Variants in OR2L2 observed in about 807,000 individuals in gnomAD.
OR2L2 encodes olfactory receptor 2L2.
For synonymous variants in OR2L2, 156 were observed against 135.4 expected (o/e 1.15, Z -1.06); for missense variants, 378 against 375.2 (o/e 1.01, Z -0.06).
chr1:248,037,266 G>A (rs1662790428), intron 2 of OR2L2, among the ~76,000 whole-genome samples: 1 of 152,144 alleles, frequency 6.6e-6, no homozygotes, highest in African/African-American at 2.4e-5. Flanking sequence ...GACAATTCAA[G>A]AAGGAAATAT....
intron 1 of OR2L2, among the ~76,000 whole-genome samples, chr1:248,035,125 A>T: frequency 6.6e-6 from 1 of 150,450 alleles, no homozygotes; most frequent in African/African-American, 2.5e-5. Context: ...GAAAGTGGAC[A>T]TTTTTGTCTT....
intron 2 of OR2L2, among the ~76,000 whole-genome samples, chr1:248,036,273 A>C (rs1348081435): frequency 6.6e-6 from 1 of 151,488 alleles, no homozygotes; most frequent in Non-Finnish European, 1.5e-5. Context: ...TAGATTTTTC[A>C]CTTTCGTATT....
chr1:248,038,533 A>T lies in OR2L2; in HGVS notation c.266A>T (p.Lys89Met). 1 of 1,614,174 alleles carries T rather than the reference A, an allele frequency of 6.2e-7. No individual in the cohort carries two copies. The highest frequency in any genetic ancestry group is 2.2e-5 in the East Asian group (1 of 44,874). The change falls in exon 3 of 3, where the codon AAG (lysine) becomes ATG (methionine). Residue 89 changes from lysine to methionine, a missense_variant. Lys to Met is a moderately conservative substitution (Grantham distance 95). Transcript: ENST00000641771. ...GTTTATGATTTTCTGTATGGAAACA[A>T]GTCTATCTCCTTCACTGGATGTGGG... ...KMVYDFLYGNKSISFTGCGIQ... is the reference protein window; with the variant it reads ...KMVYDFLYGNMSISFTGCGIQ...
chr1:248,041,142 T>A lies in OR2L2; in HGVS notation c.*1936T>A, dbSNP rs146673709. On this transcript the variant is annotated 3_prime_UTR_variant, in exon 3 of 3. Coordinates refer to ENST00000641771, the MANE Select transcript of OR2L2 (RefSeq NM_001385855.1). Reference sequence around the variant, plus strand: ...CACATAAATAACCAAAACAGCATGGTACTGGTACCAAAACAGAAATATAGA... The same window carrying A: ...CACATAAATAACCAAAACAGCATGGAACTGGTACCAAAACAGAAATATAGA... The A allele has an allele frequency of 6.6e-6, 1 of 152,144 alleles. No homozygotes were observed. Among genetic ancestry groups the A allele is most frequent in the East Asian group, 1.9e-4 (1 of 5,200 alleles). The allele number at this position is 152,144 out of a possible 1,614,324, so 9.4% of individuals were successfully genotyped here. A position where few individuals can be genotyped will look rare whatever the true frequency, so the allele number is the denominator to read the frequency against.
At chr1:248,036,807 G>C (rs923619225) in intron 2 of OR2L2, among the ~76,000 whole-genome samples, 5 of 152,092 alleles carry the variant, frequency 3.3e-5, no homozygotes, top group Non-Finnish European at 7.4e-5. Flanking sequence ...GTCTTTTGAA[G>C]ATGTAAAGTG....
In OR2L2 at chr1:248,038,335, G is replaced by T. The variant is rs750991066; in HGVS notation, c.68G>T (p.Gly23Val). ...LLGLFPQSRI[G>V]LFVFTLIFLI... ...GGGCTGTTCCCACAATCAAGAATTGGCCTTTTCGTATTCACCCTCATTTTT... is the reference window on the plus strand; with the variant it reads ...GGGCTGTTCCCACAATCAAGAATTGTCCTTTTCGTATTCACCCTCATTTTT... Residue 23 changes from glycine to valine, a missense_variant, in exon 3 of 3, where the codon GGC (glycine) becomes GTC (valine). Physicochemically the swap from Gly to Val is moderately radical, Grantham distance 109. Coordinates refer to ENST00000641771, the MANE Select transcript of OR2L2 (RefSeq NM_001385855.1). 3.7e-6 allele frequency: 6 copies of T among 1,613,390 alleles called. No homozygotes were observed. The South Asian group carries it at 5.5e-5, about 15-fold the overall frequency.
intron 1 of OR2L2, among the ~76,000 whole-genome samples, chr1:248,034,799 A>C (rs1662711031): frequency 6.6e-6 from 1 of 152,326 alleles, no homozygotes; most frequent in Non-Finnish European, 1.5e-5. Flanking sequence ...AGCCACTTGA[A>C]GCCTAGGTTC....
chr1:248,038,076 T>G (rs547083839), intron 2 of OR2L2, 171 bp from the exon 3 acceptor site: 3 of 489,948 alleles, frequency 6.1e-6, no homozygotes, highest in African/African-American at 5.8e-5. Context: ...AATCTCTTCC[T>G]TGCCTAATTT....
chr1:248,035,301 T>G (rs1377290580), intron 1 of OR2L2, among the ~76,000 whole-genome samples: 1 of 151,946 alleles, frequency 6.6e-6, no homozygotes, highest in East Asian at 1.9e-4. Context: ...ATACAAAAAT[T>G]TAGCCAGCTT....
chr1:248,032,397 A>G (rs1385908350), intron 1 of OR2L2, among the ~76,000 whole-genome samples: 3 of 152,132 alleles, frequency 2.0e-5, no homozygotes, highest in African/African-American at 7.2e-5. Context: ...TTAAGTGTTC[A>G]GGTCTGTGGC....
At position 248,039,395 on chromosome 1, in the gene OR2L2, TTTTGTTTGTGTGTGGTTTTTG is replaced by T. The variant is rs1193790907; in HGVS notation, c.*199_*219del. On this transcript the variant is annotated 3_prime_UTR_variant, in exon 3 of 3. Transcript: ENST00000641771. ...ACATATTCTAAGACATCTATTTTGA[TTTTGTTTGTGTGTGGTTTTTG>T]TTTGTTTGTTTGTTTGTCTTTTTAA... is the stretch of plus-strand genomic sequence containing the variant. 8.1e-5 allele frequency: 34 copies of T among 419,312 alleles called. No individual in the cohort carries two copies. The highest frequency in any genetic ancestry group is 1.2e-4 in the Non-Finnish European group (29 of 246,030). The allele number at this position is 419,312 out of a possible 1,614,324, so 26.0% of individuals were successfully genotyped here.
chr1:248,039,224 G>C lies in OR2L2; in HGVS notation c.*18G>C. ...AAATGTAGACATACGTTCTGTGTTA[G>C]AGTCAAAGCGCTAGGTTCATATCAA... is the stretch of plus-strand genomic sequence containing the variant. On this transcript the variant is annotated 3_prime_UTR_variant, in exon 3 of 3. Transcript: ENST00000641771. 8 of 1,586,034 alleles carry C rather than the reference G, an allele frequency of 5.0e-6. No homozygotes were observed. The East Asian group carries it at 8.9e-5, about 18-fold the overall frequency.
chr1:248,036,497 T>C (rs889790212), intron 2 of OR2L2, among the ~76,000 whole-genome samples: 1 of 152,230 alleles, frequency 6.6e-6, no homozygotes, highest in Non-Finnish European at 1.5e-5. Flanking sequence ...TCAGTGTACA[T>C]ACACGTGTAT....
rs1487739857 is a variant in OR2L2 at position 248,039,393 on chromosome 1, G to T, written c.*187G>T. On this transcript the variant is annotated 3_prime_UTR_variant, in exon 3 of 3. Transcript: ENST00000641771. ...ATACATATTCTAAGACATCTATTTT[G>T]ATTTTGTTTGTGTGTGGTTTTTGTT... 4.8e-6 allele frequency: 2 copies of T among 414,478 alleles called. No homozygotes were observed. The highest frequency in any genetic ancestry group is 2.3e-5 in the African/African-American group (1 of 43,410). 25.7% of individuals were successfully genotyped at this position (414,478 alleles called of 1,614,324 possible). A position where few individuals can be genotyped will look rare whatever the true frequency, so the allele number is the denominator to read the frequency against.
Position 248,032,541 on chromosome 1 carries a change from G to A in OR2L2, c.-97+2306G>A, listed in dbSNP as rs184878312. On this transcript the variant is annotated intron_variant, in intron 1 of 2. Coordinates refer to ENST00000641771, the MANE Select transcript of OR2L2 (RefSeq NM_001385855.1). ...CCCTTCCCCCATCCCCAGGGGTCCAGCATTCTACTTTCTGTCTCTATAAAT... is the reference window on the plus strand; with the variant it reads ...CCCTTCCCCCATCCCCAGGGGTCCAACATTCTACTTTCTGTCTCTATAAAT... Among the ~76,000 whole-genome samples the A allele has an allele frequency of 2.3e-4, 35 of 152,148 alleles. No homozygotes were observed. In the East Asian group the frequency reaches 6.2e-3, roughly 27 times the overall value.
rs1319533781 is a variant in OR2L2 at position 248,039,947 on chromosome 1, T to G, written c.*741T>G. 6.6e-6 allele frequency: 1 copy of G among 152,228 alleles called. No homozygotes were observed. Among genetic ancestry groups the G allele is most frequent in the African/African-American group, 2.4e-5 (1 of 41,448 alleles). 9.4% of individuals were successfully genotyped at this position (152,228 alleles called of 1,614,324 possible). ...AAAACAAGAGTTTCTGTATAAGAAG[T>G]TCTATAGAAGTTACAGTCTATAGAC... On this transcript the variant is annotated 3_prime_UTR_variant, in exon 3 of 3. Transcript: ENST00000641771.
intron 2 of OR2L2, among the ~76,000 whole-genome samples, chr1:248,037,054 C>T (rs553376675): frequency 6.8e-4 from 103 of 152,152 alleles, no homozygotes; most frequent in African/African-American, 2.4e-3. Flanking sequence ...AGAGAGTCTG[C>T]ATTAACTTGA....
chr1:248,035,118 A>G (rs527524958), intron 1 of OR2L2, among the ~76,000 whole-genome samples: 1 of 151,764 alleles, frequency 6.6e-6, no homozygotes, highest in South Asian at 2.1e-4. Context: ...ATGCCGTGAA[A>G]GTGGACATTT....
At chr1:248,035,074 G>A (rs561197887) in intron 1 of OR2L2, among the ~76,000 whole-genome samples, 169 of 133,996 alleles carry the variant, frequency 1.3e-3, no homozygotes, top group African/African-American at 4.5e-3. Context: ...TTGTTCAATC[G>A]CTTTGGCTGA....
Sources: gnomAD v4.1 joint callset for allele counts (sites outside exome capture counted in the v4.1 genomes callset) on GRCh38, gnomAD v4.1.1 for gene constraint, MANE v1.5 for transcripts, NCBI Gene and HGNC (gene_info 2026-07-23, HGNC 2026-07-21) for gene names.